Variants in ZNF536 observed in about 807,000 individuals in gnomAD.
ZNF536 encodes zinc finger protein 536.
ZNF536 carries 13 observed loss-of-function variants against 84.5 expected under a neutral mutation model. That is an observed-to-expected ratio of 0.15 (90% CI 0.10 to 0.24). The LOEUF (loss-of-function observed/expected upper bound fraction) is 0.24, where lower values mean the gene tolerates loss of function less well. Ranked by LOEUF, ZNF536 falls within the 10% of genes least tolerant of loss-of-function variation. ZNF536 has a pLI of 1.00. For synonymous variants in ZNF536, 811 were observed against 742.5 expected, an observed-to-expected ratio of 1.09 and a Z score of -1.50; for missense variants, 1,536 against 1,747.5, an observed-to-expected ratio of 0.88 and a Z score of 2.16.
At chr19:30,319,773 A>G (rs1242310740) in intron 2 of ZNF536, among the ~76,000 whole-genome samples, 1 of 152,232 alleles carries the variant, frequency 6.6e-6, no homozygotes, top group Non-Finnish European at 1.5e-5. Flanking sequence ...ACTAAGATGC[A>G]AGTATATTTG....
At chr19:30,368,405 A>G (rs1413670325), upstream of ZNF536, among the ~76,000 whole-genome samples, 4 of 152,200 alleles carry the variant, frequency 2.6e-5, no homozygotes, top group African/African-American at 2.4e-5. Flanking sequence ...ATCTGTCTAC[A>G]CAGAAACCTC....
chr19:30,345,605 C>T (rs945379908), intron 2 of ZNF536, among the ~76,000 whole-genome samples: 6 of 152,202 alleles, frequency 3.9e-5, no homozygotes, highest in African/African-American at 1.4e-4. Flanking sequence ...TGTAGTGACT[C>T]CACTTTTAGA....
intron 1 of ZNF536, among the ~76,000 whole-genome samples, chr19:30,700,003 CTT>C (rs2051832735): frequency 6.6e-6 from 1 of 151,860 alleles, no homozygotes; most frequent in Admixed American, 6.6e-5. Flanking sequence ...TCTTTTTTCT[CTT>C]TCTTTCTTTC....
In ZNF536 at chr19:30,382,691, A is replaced by G. The variant is rs1006193634; in HGVS notation, c.-3+10135A>G. On this transcript the variant is annotated intron_variant, in intron 1 of 4. Transcript: ENST00000355537. ...AAGGCCGATAGTGAGGGAAGGAAGT[A>G]TGGCTTGGCTTGGCAGAAGCTACCG... Among the ~76,000 whole-genome samples the G allele has an allele frequency of 1.2e-4, 18 of 152,186 alleles. No individual in the cohort carries two copies. The East Asian group carries it at 2.5e-3, about 21-fold the overall frequency.
chr19:30,369,847 T>C (rs1258809949), upstream of ZNF536, among the ~76,000 whole-genome samples: 1 of 152,160 alleles, frequency 6.6e-6, no homozygotes, highest in African/African-American at 2.4e-5. Flanking sequence ...TAGGCTGGGC[T>C]GTTATTATGG....
At chr19:30,468,884 G>A (rs963417288) in intron 2 of ZNF536, among the ~76,000 whole-genome samples, 13 of 152,104 alleles carry the variant, frequency 8.5e-5, no homozygotes, top group Non-Finnish European at 2.9e-5. Flanking sequence ...CCAGGCAGGA[G>A]TGTGCTCATC....
At chr19:30,355,362 C>T (rs932182798) in intron 3 of ZNF536, among the ~76,000 whole-genome samples, 3 of 152,186 alleles carry the variant, frequency 2.0e-5, no homozygotes, top group South Asian at 2.1e-4. Context: ...AAACCACTCA[C>T]GAGGCAGGGT....
chr19:30,450,033 AAG>A (rs1051228300), intron 2 of ZNF536, among the ~76,000 whole-genome samples: 2 of 151,472 alleles, frequency 1.3e-5, no homozygotes, highest in Non-Finnish European at 3.0e-5. Flanking sequence ...GAAAAAGAAA[AAG>A]AAAAAGAAAA....
intron 1 of ZNF536, among the ~76,000 whole-genome samples, chr19:30,567,672 C>T (rs2046402590): frequency 1.3e-5 from 2 of 152,132 alleles, no homozygotes; most frequent in Non-Finnish European, 2.9e-5. Context: ...CCTCCCTGCC[C>T]CCAACCGCGA....
chr19:30,665,538 A>C (rs1197257266), intron 1 of ZNF536: 1 of 152,174 alleles, frequency 6.6e-6, no homozygotes, highest in Non-Finnish European at 1.5e-5. Flanking sequence ...CCTGGGATTG[A>C]AGTTTCACAG....
rs1293626333 is a variant in ZNF536, at chr19:30,343,939, C to G, written c.-119-8429C>G. Reference sequence around the variant, plus strand: ...CCCTGTTTCAGTCCTTAAAAAAAAACTTATTTCAGTCCTTTTTAAGGTAAT... The same window carrying G: ...CCCTGTTTCAGTCCTTAAAAAAAAAGTTATTTCAGTCCTTTTTAAGGTAAT... On this transcript the variant is annotated intron_variant, in intron 2 of 5. Transcript: ENST00000585628. 2.6e-5 allele frequency among the ~76,000 whole-genome samples: 4 copies of G among 152,034 alleles called. No individual in the cohort carries two copies. The East Asian group carries it at 7.8e-4, about 29-fold the overall frequency.
chr19:30,681,247 A>T (rs1471354194), intron 1 of ZNF536, among the ~76,000 whole-genome samples: 1 of 152,172 alleles, frequency 6.6e-6, no homozygotes, highest in East Asian at 1.9e-4. Flanking sequence ...CCTGCAGCAC[A>T]GGAACCCACA....
At chr19:30,649,549 CTTT>C (rs35137042) in intron 1 of ZNF536, among the ~76,000 whole-genome samples, 43 of 123,854 alleles carry the variant, frequency 3.5e-4, no homozygotes, top group Non-Finnish European at 4.3e-4. Flanking sequence ...CAGCATTTTC[CTTT>C]TTTTTTTTTT....
intron 2 of ZNF536, among the ~76,000 whole-genome samples, chr19:30,467,477 A>T (rs531547547): frequency 3.8e-4 from 58 of 152,184 alleles, no homozygotes; most frequent in Non-Finnish European, 5.6e-4. Context: ...ATAGTATTCT[A>T]TTGTATGCAT....
intron 2 of ZNF536, among the ~76,000 whole-genome samples, chr19:30,286,130 G>A (rs1231373865): frequency 2.0e-5 from 3 of 152,108 alleles, no homozygotes; most frequent in Non-Finnish European, 2.9e-5. Context: ...GAATCTTAGC[G>A]TCTTCCACTT....
In ZNF536 at chr19:30,548,977, G is replaced by C. The variant is rs1338946571; in HGVS notation, c.3358G>C (p.Gly1120Arg). 6.2e-7 allele frequency: 1 copy of C among 1,614,034 alleles called. No homozygotes were observed. The highest frequency in any genetic ancestry group is 8.5e-7 in the Non-Finnish European group (1 of 1,180,034). Reference protein sequence around the residue: ...DFYKQFGVYPGMVGSGASSSC... With the variant: ...DFYKQFGVYPRMVGSGASSSC... ...CTACAAGCAGTTTGGTGTTTACCCA[G>C]GCATGGTTGGCTCAGGGGCCTCCAG... Residue 1120 changes from glycine (G) to arginine (R), a missense_variant, in exon 4 of 5, where the codon GGC becomes CGC. By Grantham distance (125) the Gly-to-Arg change is moderately radical (BLOSUM62 -2). Transcript: ENST00000355537.
At chr19:30,623,948 A>C (rs760666252) in intron 1 of ZNF536, among the ~76,000 whole-genome samples, 1 of 152,166 alleles carries the variant, frequency 6.6e-6, no homozygotes, top group Non-Finnish European at 1.5e-5. Flanking sequence ...CCCATGTTTC[A>C]TGGGTTAGAG....
intron 2 of ZNF536, among the ~76,000 whole-genome samples, chr19:30,318,606 G>A (rs954744522): frequency 1.3e-4 from 20 of 152,242 alleles, no homozygotes; most frequent in Non-Finnish European, 2.9e-5. Flanking sequence ...CTACAGCATG[G>A]GGCATTGGGC....
At chr19:30,239,274 G>A (rs1011745706) in intron 1 of ZNF536, among the ~76,000 whole-genome samples, 8 of 152,168 alleles carry the variant, frequency 5.3e-5, no homozygotes, top group Admixed American at 6.5e-5. Flanking sequence ...GCTTTGAAAT[G>A]CAATATCTTA....
Sources: gnomAD v4.1 joint callset for allele counts (sites outside exome capture counted in the v4.1 genomes callset) on GRCh38, gnomAD v4.1.1 for gene constraint, MANE v1.5 for transcripts, NCBI Gene and HGNC (gene_info 2026-07-23, HGNC 2026-07-21) for gene names.